The following NAV3 variants were observed in gnomAD, a reference collection of about 807,000 sequenced individuals.
NAV3 encodes the protein pore membrane and/or filament interacting like protein 1.
A neutral mutation model predicts 244.7 loss-of-function variants in NAV3; 87 were observed. The observed-to-expected ratio is 0.36, with a 90% confidence interval of 0.30 to 0.42. The LOEUF (loss-of-function observed/expected upper bound fraction) is 0.42. NAV3 is among the 20% of genes least tolerant of loss of function. NAV3 has a pLI of 1.00. For synonymous variants in NAV3, 1,126 were observed against 1,042.2 expected, an observed-to-expected ratio of 1.08 and a Z score of -1.55; for missense variants, 2,663 against 2,893.3, an observed-to-expected ratio of 0.92 and a Z score of 1.83.
chr12:77,903,913 A>G (rs1885632276), intron 1 of NAV3, among the ~76,000 whole-genome samples: 1 of 152,244 alleles, frequency 6.6e-6, no homozygotes, highest in South Asian at 2.1e-4. Flanking sequence ...ATCACTGGCC[A>G]TCAGAGAAAT....
chr12:77,583,285 A>T (rs1306794134), intron 2 of NAV3, among the ~76,000 whole-genome samples: 2 of 152,220 alleles, frequency 1.3e-5, no homozygotes. Context: ...CAATATTGTT[A>T]GGTACGATGT....
In NAV3 at chr12:78,118,059, A is replaced by G. The variant is rs1391595912; in HGVS notation, c.2802A>G (p.Thr934=). ...CAGATTCAGAGAAACGCTCCACCAC[A>G]GACGAGACCTGGGATAGTCCTGAGG... ...LRTDSEKRST[T]DETWDSPEEL... Residue 934 remains threonine (T), a synonymous_variant, in exon 14 of 40, where the codon ACA becomes ACG. Transcript: ENST00000397909. 1 of 1,613,736 alleles carries G rather than the reference A, an allele frequency of 6.2e-7. No homozygotes were observed. The highest frequency in any genetic ancestry group is 8.5e-7 in the Non-Finnish European group (1 of 1,179,860).
At chr12:77,712,103 G>A (rs1415366393) in intron 2 of NAV3, among the ~76,000 whole-genome samples, 1 of 152,214 alleles carries the variant, frequency 6.6e-6, no homozygotes, top group Middle Eastern at 3.4e-3. Flanking sequence ...AGTTTTAGCT[G>A]TTTTGTATGA....
intron 2 of NAV3, among the ~76,000 whole-genome samples, chr12:77,703,863 A>T (rs955445777): frequency 1.3e-5 from 2 of 152,202 alleles, no homozygotes; most frequent in Admixed American, 6.5e-5. Context: ...TAAGTTAGTT[A>T]AAATGCTGCA....
At chr12:77,653,094 A>C (rs1167781230) in intron 2 of NAV3, among the ~76,000 whole-genome samples, 2 of 152,324 alleles carry the variant, frequency 1.3e-5, no homozygotes, top group East Asian at 3.9e-4. Flanking sequence ...CAGAGCCTTT[A>C]ATATTGCTGA....
chr12:77,889,023 T>G (rs1264095702), intron 1 of NAV3, among the ~76,000 whole-genome samples: 1 of 152,186 alleles, frequency 6.6e-6, no homozygotes, highest in African/African-American at 2.4e-5. Flanking sequence ...GGGCCCAGCA[T>G]GATGGTTAGC....
At chr12:78,198,531 T>G in intron 35 of NAV3, 74 bp from the exon 36 acceptor site, 1 of 872,468 alleles carries the variant, frequency 1.1e-6, no homozygotes, top group Non-Finnish European at 1.8e-6. Context: ...TCCTAGTAGT[T>G]TTCCAAGATA....
intron 1 of NAV3, among the ~76,000 whole-genome samples, chr12:77,835,920 A>C (rs1348211693): frequency 6.6e-6 from 1 of 152,180 alleles, no homozygotes; most frequent in African/African-American, 2.4e-5. Context: ...ATTTCTTCAG[A>C]ATGTTTAGTC....
intron 2 of NAV3, among the ~76,000 whole-genome samples, chr12:77,700,106 T>A (rs771464168): frequency 1.6e-4 from 25 of 152,166 alleles, no homozygotes; most frequent in Non-Finnish European, 3.2e-4. Flanking sequence ...ACAAACCTAA[T>A]GAGATCAAGA....
At chr12:77,851,616 G>T (rs1877543155) in intron 1 of NAV3, among the ~76,000 whole-genome samples, 1 of 152,084 alleles carries the variant, frequency 6.6e-6, no homozygotes, top group Non-Finnish European at 1.5e-5. Flanking sequence ...TTATTTTAAT[G>T]ATTAGGGAAA....
At chr12:77,945,079 T>C (rs1305593121) in intron 3 of NAV3, among the ~76,000 whole-genome samples, 1 of 151,040 alleles carries the variant, frequency 6.6e-6, no homozygotes, top group African/African-American at 2.4e-5. Flanking sequence ...CATTGAGTCA[T>C]GAATAATTTT....
At chr12:77,720,285 A>C (rs1484293100) in intron 2 of NAV3, among the ~76,000 whole-genome samples, 1 of 152,088 alleles carries the variant, frequency 6.6e-6, no homozygotes, top group African/African-American at 2.4e-5. Flanking sequence ...ACATTTGAAA[A>C]AACAGTCACT....
chr12:78,186,712 C>T (rs1367961442), intron 31 of NAV3, among the ~76,000 whole-genome samples: 2 of 151,874 alleles, frequency 1.3e-5, no homozygotes, highest in East Asian at 3.9e-4. Context: ...CATGAAAGTA[C>T]TTGTCTTATT....
intron 16 of NAV3, among the ~76,000 whole-genome samples, chr12:78,123,340 T>C (rs1955758855): frequency 7.8e-6 from 1 of 128,018 alleles, no homozygotes; most frequent in African/African-American, 2.8e-5. Flanking sequence ...CCCTGTTTTT[T>C]TTATTTTTTT....
At chr12:77,833,988 C>G (rs1224456503) in intron 1 of NAV3, among the ~76,000 whole-genome samples, 1 of 152,018 alleles carries the variant, frequency 6.6e-6, no homozygotes, top group Non-Finnish European at 1.5e-5. Flanking sequence ...CTTATGTGTT[C>G]CTTTCGACGT....
rs759919821 is a variant in NAV3, at chr12:77,928,222, CAA to C, written c.244-12077_244-12076del. 9.9e-5 allele frequency among the ~76,000 whole-genome samples: 8 copies of C among 80,518 alleles called. No homozygotes were observed. In the South Asian group the frequency reaches 1.4e-3, roughly 14 times the overall value. 52.8% of individuals were successfully genotyped at this position (80,518 alleles called of 152,430 possible). A position where few individuals can be genotyped will look rare whatever the true frequency, so the allele number is the denominator to read the frequency against. On this transcript the variant is annotated intron_variant, in intron 1 of 39. Transcript: ENST00000397909. ...TGGGTGACAGGGCTAGGCTCCGCCT[CAA>C]AAAAAAAAAAAAAAAAAAAGAGAGA...
chr12:77,770,122 A>G (rs1045548198), intron 2 of NAV3, among the ~76,000 whole-genome samples: 1 of 152,164 alleles, frequency 6.6e-6, no homozygotes, highest in Admixed American at 6.5e-5. Context: ...AGCTCAACAG[A>G]GTGCTTGGGG....
At chr12:77,691,666 T>C (rs1338861503) in intron 2 of NAV3, among the ~76,000 whole-genome samples, 1 of 151,766 alleles carries the variant, frequency 6.6e-6, no homozygotes, top group Non-Finnish European at 1.5e-5. Context: ...TTTTCACAAA[T>C]GGTGTACCTT....
At chr12:77,980,895 A>T (rs1416966368) in intron 5 of NAV3, among the ~76,000 whole-genome samples, 1 of 152,198 alleles carries the variant, frequency 6.6e-6, no homozygotes, top group Admixed American at 6.6e-5. Context: ...AATATCTTAC[A>T]CAGGCCTCTC....
Sources: allele counts gnomAD v4.1 joint callset (sites outside exome capture counted in the v4.1 genomes callset), GRCh38; gene constraint gnomAD v4.1.1; transcripts MANE v1.5; gene names NCBI Gene and HGNC (gene_info 2026-07-23, HGNC 2026-07-21).